The following INPP5A variants were observed in gnomAD, a reference collection of about 807,000 sequenced individuals.
INPP5A encodes 43 kDa inositol polyphosphate 5-phophatase.
INPP5A carries 14 observed loss-of-function variants against 65.2 expected under a neutral mutation model. That is an observed-to-expected ratio of 0.21 (90% CI 0.14 to 0.34). INPP5A has a LOEUF of 0.34. INPP5A is among the 10% of genes least tolerant of loss of function. The pLI, the probability that INPP5A is intolerant of heterozygous loss-of-function variation, is 1.00. For missense variants in INPP5A, 431 were observed against 545.6 expected (o/e 0.79, Z 2.09); for synonymous variants, 207 against 208.3 (o/e 0.99, Z 0.05).
intron 1 of INPP5A, among the ~76,000 whole-genome samples, chr10:132,562,279 G>T (rs1027405054): frequency 6.6e-6 from 1 of 152,234 alleles, no homozygotes; most frequent in Non-Finnish European, 1.5e-5. Context: ...GGCACCCAGG[G>T]AACCTGGGAG....
intron 8 of INPP5A, among the ~76,000 whole-genome samples, chr10:132,722,864 C>T (rs1845911941): frequency 6.6e-6 from 1 of 152,208 alleles, no homozygotes; most frequent in African/African-American, 2.4e-5. Flanking sequence ...ACGTTTTAAT[C>T]ATAATAGCTA....
rs1255962076 is a variant in INPP5A at position 132,678,760 on chromosome 10, C to T, written c.307-11632C>T. Among the ~76,000 whole-genome samples, 5 of 152,210 alleles carry T rather than the reference C, an allele frequency of 3.3e-5. No homozygotes were observed. The highest frequency in any genetic ancestry group is 7.2e-5 in the African/African-American group (3 of 41,458). On this transcript the variant is annotated intron_variant, in intron 4 of 15. Coordinates refer to ENST00000368594, the MANE Select transcript of INPP5A (RefSeq NM_005539.5). This position sits in a 1 kb window ranked among gnomAD's most constrained non-coding sequence, Gnocchi z 4.1. ...AACCAGTGAGTGCTGGAATATGCAGCACCTTGAAGGAAAGGCTGGGGACTG... is the reference window on the plus strand; with the variant it reads ...AACCAGTGAGTGCTGGAATATGCAGTACCTTGAAGGAAAGGCTGGGGACTG...
intron 1 of INPP5A, among the ~76,000 whole-genome samples, chr10:132,579,599 T>G (rs1460309951): frequency 6.6e-6 from 1 of 152,142 alleles, no homozygotes; most frequent in Non-Finnish European, 1.5e-5. Context: ...AGCTCTGTGC[T>G]TCTGCGGCTG....
rs747761976 is a variant in INPP5A, at chr10:132,706,052, G to T, written c.475-2261G>T. On this transcript the variant is annotated intron_variant, in intron 6 of 15. Transcript: ENST00000368594. The surrounding 1 kb of genome is among the most constrained non-coding windows in gnomAD (Gnocchi z 4.7). ...CTAAAACAGAAATAAAACAAGAAAA[G>T]GGAATATGAAGAGGAGCCTGTAGAA... Among the ~76,000 whole-genome samples the T allele has an allele frequency of 6.6e-6, 1 of 152,172 alleles. No homozygotes were observed. Among genetic ancestry groups the T allele is most frequent in the Non-Finnish European group, 1.5e-5 (1 of 68,028 alleles).
intron 1 of INPP5A, among the ~76,000 whole-genome samples, chr10:132,600,445 T>C (rs1175496235): frequency 2.0e-5 from 3 of 152,236 alleles, no homozygotes; most frequent in Non-Finnish European, 4.4e-5. Context: ...GATTTTACTG[T>C]CTGTATTGCT....
At chr10:132,569,511 C>T (rs2071311684) in intron 1 of INPP5A, among the ~76,000 whole-genome samples, 1 of 152,156 alleles carries the variant, frequency 6.6e-6, no homozygotes, top group Non-Finnish European at 1.5e-5. Context: ...AATGTGCCAC[C>T]ATGACCGCCT....
chr10:132,759,366 C>CATGGGCT (rs3838740), intron 11 of INPP5A, among the ~76,000 whole-genome samples: 31,354 of 152,060 alleles, frequency 0.21, 3,371 homozygotes, highest in Non-Finnish European at 0.25. Flanking sequence ...TGAGGCGCCT[C>CATGGGCT]ATGCCAGACA....
At chr10:132,656,404 G>A (rs377241914) in intron 4 of INPP5A, among the ~76,000 whole-genome samples, 5 of 152,364 alleles carry the variant, frequency 3.3e-5, no homozygotes, top group African/African-American at 1.2e-4. Context: ...CTGAGAAGGT[G>A]TGGCCTGGCG....
intron 11 of INPP5A, among the ~76,000 whole-genome samples, chr10:132,756,639 C>T (rs1208021200): frequency 6.6e-6 from 1 of 152,152 alleles, no homozygotes; most frequent in Admixed American, 6.5e-5. Context: ...TGTCGTACTT[C>T]AGAGCAACAA....
At chr10:132,755,579 AGTGT>A (rs1015783179) in intron 11 of INPP5A, among the ~76,000 whole-genome samples, 5 of 135,622 alleles carry the variant, frequency 3.7e-5, no homozygotes, top group East Asian at 4.7e-4. Flanking sequence ...GGTGTGAGCG[AGTGT>A]GTGTGAGCAG....
At chr10:132,630,875 T>A (rs1410359759) in intron 2 of INPP5A, among the ~76,000 whole-genome samples, 1 of 152,176 alleles carries the variant, frequency 6.6e-6, no homozygotes, top group Non-Finnish European at 1.5e-5. Flanking sequence ...CCGGACTTTG[T>A]TCGGGTTAGA....
rs2071111640 is a variant in INPP5A, at chr10:132,555,238, T to A, written c.75+17067T>A. Among the ~76,000 whole-genome samples the A allele has an allele frequency of 6.6e-6, 1 of 151,910 alleles. No individual in the cohort carries two copies. On this transcript the variant is annotated intron_variant, in intron 1 of 15. Coordinates refer to ENST00000368594, the MANE Select transcript of INPP5A (RefSeq NM_005539.5). The surrounding 1 kb of genome is among the most constrained non-coding windows in gnomAD (Gnocchi z 4.4). ...GCTGGGTGGTGATATGTGATGGTGCTCAGGCCCCTGTTCCTTCACCGTGCT... is the reference window on the plus strand; with the variant it reads ...GCTGGGTGGTGATATGTGATGGTGCACAGGCCCCTGTTCCTTCACCGTGCT...
At chr10:132,625,228 C>T (rs1453332169) in intron 2 of INPP5A, among the ~76,000 whole-genome samples, 1 of 150,752 alleles carries the variant, frequency 6.6e-6, no homozygotes, top group African/African-American at 2.4e-5. Flanking sequence ...CCTGCCTGTC[C>T]CTGTCCTTCC....
chr10:132,605,725 G>A lies in INPP5A; in HGVS notation c.76-2190G>A, dbSNP rs111340382. On this transcript the variant is annotated intron_variant, in intron 1 of 15. Transcript: ENST00000368594. ...TCACCGTGGCCGTCACAGTGGCCCC[G>A]ACTAGTGTTGGGGTGTGTGCCAAAG... Among the ~76,000 whole-genome samples, 1,358 of 152,146 alleles carry A rather than the reference G, an allele frequency of 8.9e-3. 15 individuals are homozygous for A. The highest frequency in any genetic ancestry group is 0.029 in the African/African-American group (1,188 of 41,498).
chr10:132,668,136 A>C (rs1282503136), intron 4 of INPP5A, among the ~76,000 whole-genome samples: 1 of 152,160 alleles, frequency 6.6e-6, no homozygotes, highest in Non-Finnish European at 1.5e-5. Flanking sequence ...CCGGCCTTGC[A>C]GGGTTGGTGT....
rs1021411363 is a variant in INPP5A, at chr10:132,678,618, G to T, written c.307-11774G>T. ...GTGTGGTGCCTCTCTCATTGCCCAG[G>T]AGCCGTGGAATTCCTGCCTGCCGTG... On this transcript the variant is annotated intron_variant, in intron 4 of 15. Transcript: ENST00000368594. The surrounding 1 kb of genome is among the most constrained non-coding windows in gnomAD (Gnocchi z 4.1). Among the ~76,000 whole-genome samples, 3 of 152,198 alleles carry T rather than the reference G, an allele frequency of 2.0e-5. No individual in the cohort carries two copies. Among genetic ancestry groups the T allele is most frequent in the African/African-American group, 7.2e-5 (3 of 41,458 alleles).
At chr10:132,582,067 C>T (rs1052434895) in intron 1 of INPP5A, among the ~76,000 whole-genome samples, 7 of 152,084 alleles carry the variant, frequency 4.6e-5, no homozygotes, top group African/African-American at 1.4e-4. Context: ...TTTCGATCTC[C>T]TGACCTCATG....
intron 4 of INPP5A, among the ~76,000 whole-genome samples, chr10:132,653,988 A>G (rs1199776922): frequency 6.6e-6 from 1 of 152,206 alleles, no homozygotes; most frequent in Non-Finnish European, 1.5e-5. Flanking sequence ...CACGCTTCCC[A>G]ATTACGTCTC....
chr10:132,776,216 A>G (rs1252228061), intron 12 of INPP5A, among the ~76,000 whole-genome samples: 1 of 152,198 alleles, frequency 6.6e-6, no homozygotes, highest in African/African-American at 2.4e-5. Context: ...GACATGCATG[A>G]CACGCAGGCC....
Sources: gnomAD v4.1 joint callset for allele counts (sites outside exome capture counted in the v4.1 genomes callset) on GRCh38, gnomAD v4.1.1 for gene constraint, Gnocchi (gnomAD v3.1) non-coding constraint, MANE v1.5 for transcripts, NCBI Gene and HGNC (gene_info 2026-07-23, HGNC 2026-07-21) for gene names.